CTCFL: variants seen among roughly 807,000 people sequenced by gnomAD.
CTCFL encodes the protein transcriptional repressor CTCFL.
CTCFL carries 36 observed loss-of-function variants against 67.4 expected under a neutral mutation model. The observed-to-expected ratio is 0.53, with a 90% CI of 0.41 to 0.71. CTCFL has a LOEUF of 0.71. Ranked by LOEUF, CTCFL falls within the 30% of genes least tolerant of loss-of-function variation. The pLI is 0.00. For missense variants in CTCFL, 786 were observed against 835.2 expected (o/e 0.94, Z 0.73); for synonymous variants, 324 against 302.3 (o/e 1.07, Z -0.75).
At chr20:57,509,408 C>T (rs56274433) in intron 8 of CTCFL, among the ~76,000 whole-genome samples, 8,326 of 151,172 alleles carry the variant, frequency 0.055, 264 homozygotes, top group Middle Eastern at 0.13. Context: ...GGACTGTGGA[C>T]GCATGCCACT....
At chr20:57,500,156 C>T in intron 10 of CTCFL, 1 of 972,672 alleles carries the variant, frequency 1.0e-6, no homozygotes, top group Non-Finnish European at 1.2e-6. Context: ...AAAAGAAACA[C>T]TGAGATCCAC....
chr20:57,497,110 A>G (rs1038494869), downstream of CTCFL: 1 of 418,260 alleles, frequency 2.4e-6, no homozygotes. Flanking sequence ...ATTTCTCCAC[A>G]TTCTCTCCAG....
At chr20:57,503,029 C>A (rs764115600) in intron 10 of CTCFL, among the ~76,000 whole-genome samples, 8 of 152,212 alleles carry the variant, frequency 5.3e-5, no homozygotes, top group Non-Finnish European at 1.0e-4. Flanking sequence ...GGACCCTCCC[C>A]TAGGTCCCCC....
chr20:57,513,369 G>C (rs2068689177), intron 7 of CTCFL: 14 of 986,748 alleles, frequency 1.4e-5, no homozygotes, highest in Non-Finnish European at 1.7e-5. Flanking sequence ...TGATACTTGT[G>C]TAAGAAGCCA....
chr20:57,516,061 A>G (rs1328061633), intron 5 of CTCFL, among the ~76,000 whole-genome samples: 2 of 152,194 alleles, frequency 1.3e-5, no homozygotes, highest in Non-Finnish European at 2.9e-5. Context: ...TTTAGGGAAA[A>G]TGAGCAGCAG....
At position 57,497,557 on chromosome 20, in the gene CTCFL, T is replaced by C. The variant is rs1413782832; in HGVS notation, c.*993A>G. 1.2e-5 allele frequency: 12 copies of C among 985,308 alleles called. No homozygotes were observed. Among genetic ancestry groups the C allele is most frequent in the South Asian group, 4.7e-5 (1 of 21,284 alleles). 61.0% of individuals were successfully genotyped at this position (985,308 alleles called of 1,614,324 possible). ...CCTCTGTATCCAGATAGAAATGAAT[T>C]TCAAGTGTTAAAGAGGCATCTCTCA... is the stretch of plus-strand genomic sequence containing the variant. On this transcript the variant is annotated 3_prime_UTR_variant, in exon 11 of 11. Coordinates refer to ENST00000243914, the MANE Select transcript of CTCFL (RefSeq NM_001386993.1).
At chr20:57,524,664 G>A in intron 1 of CTCFL, 1 of 1,004,140 alleles carries the variant, frequency 1.0e-6, no homozygotes, top group Non-Finnish European at 1.2e-6. Context: ...GTCCAAGCAG[G>A]CCCCGGGCCA....
chr20:57,513,848 C>G (rs779299575), intron 7 of CTCFL: 28 of 1,288,830 alleles, frequency 2.2e-5, no homozygotes, highest in Non-Finnish European at 2.8e-5. Flanking sequence ...GAAATAAGAT[C>G]ATGGAAAAGG....
Position 57,511,234 on chromosome 20 carries a change from C to A in CTCFL, c.1491+1358G>T, listed in dbSNP as rs149180633. Among the ~76,000 whole-genome samples, 22 of 150,444 alleles carry A rather than the reference C, an allele frequency of 1.5e-4. No individual in the cohort carries two copies. In the East Asian group the frequency reaches 4.3e-3, roughly 29 times the overall value. On this transcript the variant is annotated intron_variant, in intron 8 of 10. Coordinates refer to ENST00000243914, the MANE Select transcript of CTCFL (RefSeq NM_001386993.1). ...TTGTATTTTTTTGTAGAGACAGGGT[C>A]TCATTATGTTGCCCAGGTTGGTCTT...
intron 10 of CTCFL, 111 bp downstream of exon 10, chr20:57,503,325 G>T: frequency 1.5e-6 from 2 of 1,299,106 alleles, no homozygotes; most frequent in Non-Finnish European, 1.1e-6. Context: ...CCGACTGGTG[G>T]ACAAATAGGG....
At chr20:57,507,724 C>A (rs964490094) in intron 9 of CTCFL, 6 of 702,908 alleles carry the variant, frequency 8.5e-6, no homozygotes, top group Non-Finnish European at 1.6e-5. Context: ...ATCCTGACTG[C>A]AGCCTCAGGA....
intron 9 of CTCFL, chr20:57,507,697 A>C (rs1600648973): frequency 1.4e-6 from 1 of 702,978 alleles, no homozygotes; most frequent in East Asian, 2.7e-5. Flanking sequence ...CCTTCGGATG[A>C]TGCAGCCCTG....
chr20:57,499,815 G>T, intron 10 of CTCFL: 1 of 229,720 alleles, frequency 4.4e-6, no homozygotes, highest in Non-Finnish European at 7.2e-6. Context: ...CGCTGCCGCT[G>T]ATCTGACAGG....
chr20:57,512,269 G>T (rs1172999523), intron 8 of CTCFL, among the ~76,000 whole-genome samples: 1 of 152,156 alleles, frequency 6.6e-6, no homozygotes, highest in Non-Finnish European at 1.5e-5. Context: ...GCCTTGATCC[G>T]GGCTAAGGAC....
chr20:57,502,789 C>A (rs1391230550), intron 10 of CTCFL, among the ~76,000 whole-genome samples: 1 of 152,236 alleles, frequency 6.6e-6, no homozygotes. Flanking sequence ...GCTGTGGGGG[C>A]TGAATGGTGA....
chr20:57,503,928 GA>G (rs756681835), intron 9 of CTCFL, among the ~76,000 whole-genome samples: 164 of 108,666 alleles, frequency 1.5e-3, no homozygotes, highest in Admixed American at 2.8e-3. Flanking sequence ...CTGAGTGACA[GA>G]AAAAAAAAAA....
chr20:57,518,900 T>C lies in CTCFL; in HGVS notation c.926-9A>G, dbSNP rs761534619. 2.0e-5 allele frequency: 32 copies of C among 1,607,688 alleles called. No individual in the cohort carries two copies. In the African/African-American group the frequency reaches 4.1e-4, roughly 21 times the overall value. The stretch of plus-strand genomic sequence containing the variant: ...CTTGTAGGGCCTGGTTCCTGTAAAA[T>C]CACATAGTTCATACTTTCAAAACAA... On this transcript the variant is annotated splice_polypyrimidine_tract_variant and intron_variant, in intron 4 of 10. Transcript: ENST00000243914.
Position 57,518,761 on chromosome 20 carries a change from C to T in CTCFL, c.1056G>A (p.Val352=), listed in dbSNP as rs749958483. ...TCAAGTCCAAGAATGGCTTTACCTCCACACTGGCATACTTGCACATGGAAC... is the reference window on the plus strand; with the variant it reads ...TCAAGTCCAAGAATGGCTTTACCTCTACACTGGCATACTTGCACATGGAAC... ...FKCSMCKYAS[V]EASKLKRHVR... is the part of the protein sequence containing the mutation. Residue 352 remains valine, a synonymous_variant, in exon 5 of 11, where the codon GTG becomes GTA. Coordinates refer to ENST00000243914, the MANE Select transcript of CTCFL (RefSeq NM_001386993.1). 1.9e-6 allele frequency: 3 copies of T among 1,614,066 alleles called. No homozygotes were observed.
At chr20:57,507,721 C>T (rs1275653636) in intron 9 of CTCFL, 2 of 703,042 alleles carry the variant, frequency 2.8e-6, no homozygotes, top group Admixed American at 4.0e-5. Flanking sequence ...GACATCCTGA[C>T]TGCAGCCTCA....
Sources: allele counts gnomAD v4.1 joint callset (sites outside exome capture counted in the v4.1 genomes callset), GRCh38; gene constraint gnomAD v4.1.1; transcripts MANE v1.5; gene names NCBI Gene and HGNC (gene_info 2026-07-23, HGNC 2026-07-21).